The following FPR3 variants were observed in gnomAD, a reference collection of about 807,000 sequenced individuals.
FPR3 encodes the protein formyl peptide receptor 3.
For missense variants in FPR3, 346 were observed against 443.2 expected, an observed-to-expected ratio of 0.78 and a Z score of 1.97; for synonymous variants, 135 against 163.6, an observed-to-expected ratio of 0.83 and a Z score of 1.34.
At chr19:51,815,288 G>A (rs1403869369) in intron 1 of FPR3, among the ~76,000 whole-genome samples, 1 of 152,116 alleles carries the variant, frequency 6.6e-6, no homozygotes, top group Non-Finnish European at 1.5e-5. Flanking sequence ...TTGGCTGGGT[G>A]CAGTGGCTCA....
At chr19:51,816,978 T>C (rs1444572194) in intron 1 of FPR3, among the ~76,000 whole-genome samples, 1 of 152,218 alleles carries the variant, frequency 6.6e-6, no homozygotes, top group Non-Finnish European at 1.5e-5. Flanking sequence ...TAATTTTTTG[T>C]TTCATTTCCC....
intron 1 of FPR3, chr19:51,804,781 T>C (rs7259815): frequency 0.39 from 59,389 of 151,912 alleles, 11,957 homozygotes; most frequent in South Asian, 0.51. Context: ...GGGGGGTGAA[T>C]GCAGGAATAA....
chr19:51,820,601 G>C (rs2084181137), intron 1 of FPR3, among the ~76,000 whole-genome samples: 1 of 152,174 alleles, frequency 6.6e-6, no homozygotes, highest in South Asian at 2.1e-4. Context: ...ATGACTTAGA[G>C]ATTATTGATA....
chr19:51,813,970 A>G (rs1242738642), intron 1 of FPR3, among the ~76,000 whole-genome samples: 1 of 152,218 alleles, frequency 6.6e-6, no homozygotes, highest in Non-Finnish European at 1.5e-5. Flanking sequence ...GTCACTTTCA[A>G]GAAGCCCCTG....
chr19:51,805,579 G>A (rs1479559946), intron 1 of FPR3, among the ~76,000 whole-genome samples: 1 of 152,164 alleles, frequency 6.6e-6, no homozygotes, highest in Non-Finnish European at 1.5e-5. Flanking sequence ...CGCAATTGCC[G>A]CTGCAACTGC....
At position 51,825,009 on chromosome 19, in the gene FPR3, A is replaced by T; in HGVS notation, c.*199A>T. The T allele has an allele frequency of 1.7e-6, 1 of 571,902 alleles. No homozygotes were observed. Among genetic ancestry groups the T allele is most frequent in the Admixed American group, 3.3e-5 (1 of 30,352 alleles). The allele number at this position is 571,902 out of a possible 1,614,324, so 35.4% of individuals were successfully genotyped here. On this transcript the variant is annotated 3_prime_UTR_variant, in exon 2 of 2. Transcript: ENST00000339223. ...GCTGGGTGTCCTACAATTAAATTCC[A>T]ACACTATCTACCTGGAGCTACTGTC...
intron 1 of FPR3, among the ~76,000 whole-genome samples, chr19:51,805,837 A>G (rs28800315): frequency 0.41 from 61,562 of 151,942 alleles, 12,655 homozygotes; most frequent in South Asian, 0.52. Context: ...CGGGCACAAT[A>G]AGTAACCTGA....
chr19:51,815,934 C>A (rs1028838178), intron 1 of FPR3, among the ~76,000 whole-genome samples: 4 of 151,706 alleles, frequency 2.6e-5, no homozygotes, highest in African/African-American at 9.7e-5. Flanking sequence ...AGGCATGGTT[C>A]CAGGTACCTA....
At chr19:51,802,628 T>C (rs2084031909) in intron 1 of FPR3, among the ~76,000 whole-genome samples, 1 of 152,174 alleles carries the variant, frequency 6.6e-6, no homozygotes, top group African/African-American at 2.4e-5. Context: ...TGGGGATTTG[T>C]AAGGCTTGGA....
intron 1 of FPR3, among the ~76,000 whole-genome samples, chr19:51,812,767 C>T (rs964317224): frequency 1.2e-4 from 18 of 152,124 alleles, no homozygotes; most frequent in Non-Finnish European, 1.5e-4. Context: ...TCATTTAATT[C>T]GTCTCTTAGT....
chr19:51,803,511 T>C (rs912207057), intron 1 of FPR3, among the ~76,000 whole-genome samples: 2 of 152,100 alleles, frequency 1.3e-5, no homozygotes, highest in Non-Finnish European at 2.9e-5. Flanking sequence ...TCTTCTCGTC[T>C]TCTCTAGAGT....
At chr19:51,797,562 A>G (rs2122406825) in intron 1 of FPR3, among the ~76,000 whole-genome samples, 1 of 152,310 alleles carries the variant, frequency 6.6e-6, no homozygotes. Flanking sequence ...TACAATGGTT[A>G]TACAAATTAA....
At chr19:51,805,533 T>C (rs2084052666) in intron 1 of FPR3, among the ~76,000 whole-genome samples, 1 of 152,220 alleles carries the variant, frequency 6.6e-6, no homozygotes, top group Non-Finnish European at 1.5e-5. Context: ...ATATTCTAAG[T>C]TGGTTACACA....
chr19:51,819,349 G>A (rs1212641882), intron 1 of FPR3, among the ~76,000 whole-genome samples: 1 of 152,152 alleles, frequency 6.6e-6, no homozygotes, highest in Non-Finnish European at 1.5e-5. Context: ...TTTAAGCTGT[G>A]ATACTGAATG....
At chr19:51,803,596 CAAAA>C (rs35535525) in intron 1 of FPR3, among the ~76,000 whole-genome samples, 2 of 132,018 alleles carry the variant, frequency 1.5e-5, no homozygotes, top group Non-Finnish European at 3.3e-5. Flanking sequence ...TTTCAATTTC[CAAAA>C]AAAAAAAAAA....
chr19:51,823,061 C>A (rs1287798868), intron 1 of FPR3, among the ~76,000 whole-genome samples: 1 of 152,072 alleles, frequency 6.6e-6, no homozygotes, highest in Non-Finnish European at 1.5e-5. Flanking sequence ...TGGAGTTTCA[C>A]CATGTTGGCC....
chr19:51,810,821 T>A (rs1341087154), intron 1 of FPR3, among the ~76,000 whole-genome samples: 2 of 152,150 alleles, frequency 1.3e-5, no homozygotes, highest in African/African-American at 2.4e-5. Flanking sequence ...CTTACTCTAG[T>A]GGGGTGTGTT....
At chr19:51,796,450 TTA>T (rs754111263) in intron 1 of FPR3, among the ~76,000 whole-genome samples, 2 of 152,240 alleles carry the variant, frequency 1.3e-5, no homozygotes, top group Non-Finnish European at 2.9e-5. Flanking sequence ...CATCACCATC[TTA>T]TTGGACCTTT....
chr19:51,823,800 G>A lies in FPR3; in HGVS notation c.52G>A (p.Glu18Lys), dbSNP rs374854764. The A allele has an allele frequency of 6.2e-7, 1 of 1,612,870 alleles. No individual in the cohort carries two copies. Among genetic ancestry groups the A allele is most frequent in the Non-Finnish European group, 8.5e-7 (1 of 1,179,308 alleles). Residue 18 changes from glutamate to lysine, a missense_variant, in exon 2 of 2, where the codon GAG becomes AAG. By Grantham distance (56) the Glu-to-Lys change is moderately conservative (BLOSUM62 1). Coordinates refer to ENST00000339223, the MANE Select transcript of FPR3 (RefSeq NM_002030.5). ...PLNETEEVLP[E>K]PAGHTVLWIF... ...GAATGAAACTGAGGAGGTGCTCCCTGAGCCTGCTGGCCACACCGTTCTGTG... is the reference window on the plus strand; with the variant it reads ...GAATGAAACTGAGGAGGTGCTCCCTAAGCCTGCTGGCCACACCGTTCTGTG...
Sources: allele counts gnomAD v4.1 joint callset (sites outside exome capture counted in the v4.1 genomes callset), GRCh38; gene constraint gnomAD v4.1.1; transcripts MANE v1.5; gene names NCBI Gene and HGNC (gene_info 2026-07-23, HGNC 2026-07-21).